The following FARS2 variants were observed in gnomAD, a reference collection of about 807,000 sequenced individuals.
FARS2 encodes phenylalanyl-tRNA synthetase 2, mitochondrial, also known as phenylalanine--tRNA ligase, mitochondrial.
Under a neutral mutation model 46.4 loss-of-function variants are expected in FARS2, and 40 were observed. The ratio of observed to expected loss-of-function variants is 0.86; its 90% confidence interval spans 0.67 to 1.12. The LOEUF (loss-of-function observed/expected upper bound fraction) is 1.12. Ranked by LOEUF, FARS2 falls within the 50% of genes most tolerant of loss-of-function variation. The probability of loss-of-function intolerance (pLI) is 0.00; values close to 1 mark genes in which losing one functional copy is unlikely to be tolerated. For missense variants in FARS2, 513 were observed against 567.9 expected, an observed-to-expected ratio of 0.90 and a Z score of 0.98; for synonymous variants, 234 against 214.9, an observed-to-expected ratio of 1.09 and a Z score of -0.78.
chr6:5,664,310 G>T (rs566194694), intron 6 of FARS2, among the ~76,000 whole-genome samples: 1 of 152,244 alleles, frequency 6.6e-6, no homozygotes, highest in East Asian at 1.9e-4. Flanking sequence ...GGACCCCCTT[G>T]ACTCATTTCC....
intron 3 of FARS2, among the ~76,000 whole-genome samples, chr6:5,421,941 T>A (rs1762573256): frequency 6.6e-6 from 1 of 152,218 alleles, no homozygotes; most frequent in African/African-American, 2.4e-5. Flanking sequence ...CACTTCCACA[T>A]TTTTGGATGT....
intron 1 of FARS2, among the ~76,000 whole-genome samples, chr6:5,289,974 C>G (rs775429786): frequency 3.9e-5 from 6 of 152,112 alleles, no homozygotes; most frequent in Non-Finnish European, 5.9e-5. Flanking sequence ...AGAAGGAATT[C>G]CACTCTTTTG....
chr6:5,381,210 G>C (rs1759751397), intron 2 of FARS2, among the ~76,000 whole-genome samples: 1 of 151,764 alleles, frequency 6.6e-6, no homozygotes, highest in Non-Finnish European at 1.5e-5. Context: ...TGTTAGCCAG[G>C]ATGGTCTCAA....
At chr6:5,483,780 A>G (rs1195238530) in intron 4 of FARS2, among the ~76,000 whole-genome samples, 2 of 152,190 alleles carry the variant, frequency 1.3e-5, no homozygotes, top group Non-Finnish European at 2.9e-5. Flanking sequence ...GATGGAGATG[A>G]AGAAGAGGAT....
chr6:5,370,006 G>A (rs911834772), intron 2 of FARS2, among the ~76,000 whole-genome samples: 2 of 151,838 alleles, frequency 1.3e-5, no homozygotes, highest in Non-Finnish European at 2.9e-5. Flanking sequence ...AAACAAATGC[G>A]TTAAACTAAG....
At chr6:5,710,937 C>T (rs962814413) in intron 6 of FARS2, among the ~76,000 whole-genome samples, 4 of 152,092 alleles carry the variant, frequency 2.6e-5, no homozygotes, top group African/African-American at 9.7e-5. Context: ...TCAATGGTGG[C>T]GAACAAACAG....
At chr6:5,402,108 C>A (rs1338253300) in intron 2 of FARS2, among the ~76,000 whole-genome samples, 1 of 151,792 alleles carries the variant, frequency 6.6e-6, no homozygotes, top group East Asian at 1.9e-4. Context: ...TTTTACCATC[C>A]TCCTTCTGGT....
At chr6:5,354,163 A>G (rs1038193816) in intron 1 of FARS2, among the ~76,000 whole-genome samples, 1 of 152,034 alleles carries the variant, frequency 6.6e-6, no homozygotes, top group South Asian at 2.1e-4. Flanking sequence ...ATCCTCTTAC[A>G]CTAAAACCAG....
At chr6:5,385,713 C>T (rs6914858) in intron 2 of FARS2, among the ~76,000 whole-genome samples, 1 of 152,096 alleles carries the variant, frequency 6.6e-6, no homozygotes, top group South Asian at 2.1e-4. Flanking sequence ...TGTGAGCCAC[C>T]ACGCCCAGCT....
At chr6:5,663,685 G>A (rs1582699428) in intron 6 of FARS2, among the ~76,000 whole-genome samples, 1 of 152,136 alleles carries the variant, frequency 6.6e-6, no homozygotes, top group African/African-American at 2.4e-5. Context: ...CTCCATGGCA[G>A]ATTTGTCATT....
chr6:5,751,536 A>G (rs1761947260), intron 6 of FARS2, among the ~76,000 whole-genome samples: 1 of 152,202 alleles, frequency 6.6e-6, no homozygotes, highest in African/African-American at 2.4e-5. Context: ...ATCCTTTCCA[A>G]GCTTCTAGAG....
intron 4 of FARS2, among the ~76,000 whole-genome samples, chr6:5,489,046 G>C (rs1766945024): frequency 6.6e-6 from 1 of 152,130 alleles, no homozygotes; most frequent in Admixed American, 6.6e-5. Flanking sequence ...AGGAAAATGA[G>C]TAAATTATAT....
chr6:5,377,354 C>T (rs543268213), intron 2 of FARS2, among the ~76,000 whole-genome samples: 27 of 152,308 alleles, frequency 1.8e-4, no homozygotes, highest in African/African-American at 6.5e-4. Context: ...GTTCTCCAGT[C>T]TTGGCTGCAG....
At chr6:5,482,751 G>T (rs774484370) in intron 4 of FARS2, among the ~76,000 whole-genome samples, 11 of 152,310 alleles carry the variant, frequency 7.2e-5, no homozygotes, top group East Asian at 1.9e-4. Context: ...GGTAGGAAAA[G>T]CTTCAAGGAG....
intron 4 of FARS2, among the ~76,000 whole-genome samples, chr6:5,501,167 C>G (rs1020146688): frequency 2.6e-5 from 4 of 151,984 alleles, no homozygotes; most frequent in Non-Finnish European, 5.9e-5. Flanking sequence ...CATCTAGTAT[C>G]TAAACCTCAA....
intron 4 of FARS2, among the ~76,000 whole-genome samples, chr6:5,437,778 G>C (rs549690147): frequency 2.0e-5 from 3 of 151,928 alleles, no homozygotes; most frequent in Non-Finnish European, 4.4e-5. Flanking sequence ...GGAGTCATAT[G>C]CATTTTTTAA....
At chr6:5,419,648 T>C (rs1486405453) in intron 3 of FARS2, among the ~76,000 whole-genome samples, 1 of 152,198 alleles carries the variant, frequency 6.6e-6, no homozygotes, top group African/African-American at 2.4e-5. Flanking sequence ...AATGAGGGGA[T>C]GGAGCTGATC....
intron 1 of FARS2, among the ~76,000 whole-genome samples, chr6:5,281,703 C>G (rs535598692): frequency 6.7e-6 from 1 of 149,674 alleles, no homozygotes; most frequent in Non-Finnish European, 1.5e-5. Flanking sequence ...AGTGATTGTC[C>G]GAACCAATAT....
intron 1 of FARS2, among the ~76,000 whole-genome samples, chr6:5,272,743 A>C (rs1451963484): frequency 6.6e-6 from 1 of 152,196 alleles, no homozygotes; most frequent in Middle Eastern, 3.2e-3. Flanking sequence ...GATCCATCAG[A>C]CACTAAGTCT....
Sources: gnomAD v4.1 joint callset for allele counts (sites outside exome capture counted in the v4.1 genomes callset) on GRCh38, gnomAD v4.1.1 for gene constraint, MANE v1.5 for transcripts, NCBI Gene and HGNC (gene_info 2026-07-23, HGNC 2026-07-21) for gene names.